Variants in OTUD5 observed in about 807,000 individuals in gnomAD.
The protein encoded by OTUD5 is OTU domain-containing protein 5.
In OTUD5, 2 loss-of-function variants were observed where a neutral mutation model predicts 36.3. The observed-to-expected ratio is 0.06, with a 90% CI of 0.02 to 0.17. The LOEUF (loss-of-function observed/expected upper bound fraction) is 0.17, where lower values mean the gene tolerates loss of function less well. Among genes scored for constraint, OTUD5 ranks in the 10% least tolerant of loss-of-function variants. The pLI, the probability that OTUD5 is intolerant of heterozygous loss-of-function variation, is 1.00. For missense variants in OTUD5, 233 were observed against 512.3 expected, an observed-to-expected ratio of 0.45 and a Z score of 5.26; for synonymous variants, 234 against 214.9, an observed-to-expected ratio of 1.09 and a Z score of -0.78.
chrX:48,947,528 C>T (rs939506674), intron 1 of OTUD5, among the ~76,000 whole-genome samples: 12 of 108,577 alleles, frequency 1.1e-4, no homozygotes, highest in African/African-American at 3.4e-4. Context: ...CATGGAGAAA[C>T]CCCGTCTCTA....
chrX:48,928,949 G>A (rs2063708101), intron 5 of OTUD5, among the ~76,000 whole-genome samples: 1 of 110,931 alleles, frequency 9.0e-6, no homozygotes, highest in Non-Finnish European at 1.9e-5. Context: ...GAAGGGAGGG[G>A]TAAGCATATG....
intron 2 of OTUD5, among the ~76,000 whole-genome samples, chrX:48,942,295 T>TAC (rs1557051316): frequency 2.8e-5 from 1 of 35,538 alleles, no homozygotes; most frequent in East Asian, 1.0e-3. Context: ...AACAGCTAGC[T>TAC]AGATACACAC....
At chrX:48,955,151 T>C (rs1205941240) in intron 1 of OTUD5, among the ~76,000 whole-genome samples, 1 of 111,637 alleles carries the variant, frequency 9.0e-6, no homozygotes, top group Non-Finnish European at 1.9e-5. Context: ...ACCCTATTCA[T>C]GTCCCCAAAA....
chrX:48,953,230 C>A (rs1557054295), intron 1 of OTUD5, among the ~76,000 whole-genome samples: 1 of 111,526 alleles, frequency 9.0e-6, no homozygotes, highest in East Asian at 2.8e-4. Flanking sequence ...GACAGGAAAT[C>A]CCATCGAGCT....
At chrX:48,941,916 C>T (rs1421207571) in intron 2 of OTUD5, among the ~76,000 whole-genome samples, 2 of 111,325 alleles carry the variant, frequency 1.8e-5, no homozygotes, top group Non-Finnish European at 3.8e-5. Flanking sequence ...CCATGTACTT[C>T]GGGGGAGAGG....
intron 5 of OTUD5, among the ~76,000 whole-genome samples, chrX:48,931,111 A>G (rs1288518779): frequency 8.9e-6 from 1 of 112,044 alleles, no homozygotes; most frequent in Non-Finnish European, 1.9e-5. Flanking sequence ...GGGCATAACC[A>G]TTTCTTAGGC....
intron 1 of OTUD5, among the ~76,000 whole-genome samples, chrX:48,950,965 T>G (rs966407465): frequency 3.6e-5 from 4 of 110,855 alleles, no homozygotes; most frequent in Non-Finnish European, 7.6e-5. Context: ...GTCTGTTCCC[T>G]AGTGCCTCAC....
At chrX:48,945,107 A>G (rs1410638175) in intron 1 of OTUD5, among the ~76,000 whole-genome samples, 1 of 110,691 alleles carries the variant, frequency 9.0e-6, no homozygotes, top group Non-Finnish European at 1.9e-5. Context: ...TTTAACAGAT[A>G]TCTACACATA....
chrX:48,953,920 C>T (rs1482122585), intron 1 of OTUD5, among the ~76,000 whole-genome samples: 2 of 110,683 alleles, frequency 1.8e-5, no homozygotes, highest in African/African-American at 3.3e-5. Context: ...CTCCAGGCTA[C>T]AACCACCCCT....
intron 6 of OTUD5, among the ~76,000 whole-genome samples, chrX:48,924,515 G>C (rs1321071611): frequency 2.7e-5 from 3 of 111,711 alleles, no homozygotes; most frequent in Admixed American, 1.9e-4. Flanking sequence ...CTGCCTCTCT[G>C]AGAGTAAATG....
chrX:48,927,205 C>G (rs1224504059), intron 5 of OTUD5, among the ~76,000 whole-genome samples: 1 of 111,623 alleles, frequency 9.0e-6, no homozygotes, highest in Non-Finnish European at 1.9e-5. Flanking sequence ...TAAACACACT[C>G]CAAGTGTTTT....
chrX:48,940,440 A>G (rs1426039682), intron 2 of OTUD5: 1 of 113,286 alleles, frequency 8.8e-6, no homozygotes, highest in Non-Finnish European at 1.9e-5. Context: ...CCCATTTATA[A>G]AACAATCAAA....
At chrX:48,932,146 T>C (rs961621417) in intron 5 of OTUD5, among the ~76,000 whole-genome samples, 8 of 84,987 alleles carry the variant, frequency 9.4e-5, no homozygotes. Context: ...AGAAACTTCG[T>C]CTCAAAAAAA....
At chrX:48,940,241 G>C in intron 2 of OTUD5, 2 of 115,408 alleles carry the variant, frequency 1.7e-5, no homozygotes, top group Middle Eastern at 1.4e-3. Context: ...CTCTGCTCAA[G>C]GATTCCCACT....
At chrX:48,942,716 C>T (rs1271134020) in intron 2 of OTUD5, among the ~76,000 whole-genome samples, 6 of 108,481 alleles carry the variant, frequency 5.5e-5, no homozygotes, top group Non-Finnish European at 9.6e-5. Flanking sequence ...TCCACCCTTT[C>T]AACAAACACA....
chrX:48,957,622 G>A (rs1557056055), upstream of OTUD5: 1 of 807,769 alleles, frequency 1.2e-6, no homozygotes, highest in East Asian at 9.0e-5. Context: ...CACGCCGGGA[G>A]AGAACCCGGA....
chrX:48,937,937 G>C (rs1557050273), intron 2 of OTUD5, among the ~76,000 whole-genome samples: 1 of 112,073 alleles, frequency 8.9e-6, no homozygotes, highest in Non-Finnish European at 1.9e-5. Context: ...GACCTAGGAT[G>C]CATGTCCTCT....
At chrX:48,927,184 T>G (rs1569513723) in intron 5 of OTUD5, among the ~76,000 whole-genome samples, 1 of 111,771 alleles carries the variant, frequency 8.9e-6, no homozygotes, top group East Asian at 2.8e-4. Context: ...ATCTAACCAC[T>G]CTGGCAGTGT....
chrX:48,939,955 GAACCTAAAAACAAA>G (rs1421416817), intron 2 of OTUD5: 7 of 113,839 alleles, frequency 6.1e-5, no homozygotes, highest in Non-Finnish European at 1.3e-4. Flanking sequence ...TGTCTACAGG[GAACCTAAAAACAAA>G]CCACACTAAC....
Sources: gnomAD v4.1 joint callset for allele counts (sites outside exome capture counted in the v4.1 genomes callset) on GRCh38, gnomAD v4.1.1 for gene constraint, MANE v1.5 for transcripts, NCBI Gene and HGNC (gene_info 2026-07-23, HGNC 2026-07-21) for gene names.